The following C3orf70 variants were observed in gnomAD, a reference collection of about 807,000 sequenced individuals.
The protein encoded by C3orf70 is UPF0524 protein C3orf70.
In C3orf70, 15 loss-of-function variants were observed where a neutral mutation model predicts 20.7. The ratio of observed to expected loss-of-function variants is 0.72; its 90% confidence interval spans 0.48 to 1.11. C3orf70 has a LOEUF of 1.11. Among genes scored for constraint, C3orf70 ranks in the 50% most tolerant of loss-of-function variants. C3orf70 has a pLI of 0.00. For synonymous variants in C3orf70, 161 were observed against 125.7 expected (o/e 1.28, Z -1.88); for missense variants, 332 against 317.6 (o/e 1.05, Z -0.34).
chr3:185,111,029 C>T (rs1290265770), intron 1 of C3orf70, among the ~76,000 whole-genome samples: 7 of 152,108 alleles, frequency 4.6e-5, no homozygotes, highest in Non-Finnish European at 1.5e-5. Flanking sequence ...TAGGGTCTCC[C>T]TGACTGAGCT....
chr3:185,107,986 A>G (rs1443947820), intron 1 of C3orf70, among the ~76,000 whole-genome samples: 1 of 152,164 alleles, frequency 6.6e-6, no homozygotes, highest in Non-Finnish European at 1.5e-5. Flanking sequence ...CGCTACTATG[A>G]TAGGGATTCG....
intron 1 of C3orf70, among the ~76,000 whole-genome samples, chr3:185,124,281 G>A (rs1212478601): frequency 6.6e-6 from 1 of 152,152 alleles, no homozygotes; most frequent in Non-Finnish European, 1.5e-5. Context: ...TGAAGAAAAA[G>A]CAAATCTTTC....
chr3:185,126,519 A>C (rs1716414457), intron 1 of C3orf70, among the ~76,000 whole-genome samples: 1 of 152,212 alleles, frequency 6.6e-6, no homozygotes, highest in Admixed American at 6.5e-5. Flanking sequence ...AGCAGCCAGG[A>C]AGAAATACGT....
At chr3:185,135,436 C>T (rs1475535001) in intron 1 of C3orf70, among the ~76,000 whole-genome samples, 2 of 152,136 alleles carry the variant, frequency 1.3e-5, no homozygotes, top group Non-Finnish European at 2.9e-5. Flanking sequence ...GCCTGGTCAA[C>T]ATGATGAAAC....
In C3orf70 at chr3:185,083,575, C is replaced by A; in HGVS notation, c.197-12G>T. 6.5e-7 allele frequency: 1 copy of A among 1,550,036 alleles called. No homozygotes were observed. The highest frequency in any genetic ancestry group is 8.7e-7 in the Non-Finnish European group (1 of 1,152,094). ...ATACATGTATTTGCCTGTGAAGACACAAAAAGACACTTGAAATCTATATTA... is the reference window on the plus strand; with the variant it reads ...ATACATGTATTTGCCTGTGAAGACAAAAAAAGACACTTGAAATCTATATTA... On this transcript the variant is annotated splice_polypyrimidine_tract_variant and intron_variant, in intron 1 of 1. Coordinates refer to ENST00000335012, the MANE Select transcript of C3orf70 (RefSeq NM_001025266.3).
intron 1 of C3orf70, among the ~76,000 whole-genome samples, chr3:185,125,839 A>G (rs1373754118): frequency 6.6e-6 from 1 of 152,220 alleles, no homozygotes; most frequent in Non-Finnish European, 1.5e-5. Context: ...CATTCTGAAA[A>G]ACACAAAACT....
At chr3:185,140,296 T>C (rs961127371) in intron 1 of C3orf70, among the ~76,000 whole-genome samples, 3 of 152,140 alleles carry the variant, frequency 2.0e-5, no homozygotes, top group Non-Finnish European at 4.4e-5. Context: ...GATGAAAAGA[T>C]AAACTACAGA....
intron 1 of C3orf70, among the ~76,000 whole-genome samples, chr3:185,112,681 T>C (rs1048812457): frequency 4.6e-5 from 7 of 152,230 alleles, no homozygotes; most frequent in Non-Finnish European, 1.0e-4. Flanking sequence ...ATGTACTTCA[T>C]GTACCCACCA....
At chr3:185,097,576 A>G in intron 1 of C3orf70, among the ~76,000 whole-genome samples, 1 of 152,232 alleles carries the variant, frequency 6.6e-6, no homozygotes, top group South Asian at 2.1e-4. Flanking sequence ...TCTTAATTCC[A>G]GAGTGAAAAA....
At chr3:185,128,453 C>G (rs1716457743) in intron 1 of C3orf70, among the ~76,000 whole-genome samples, 1 of 151,242 alleles carries the variant, frequency 6.6e-6, no homozygotes, top group South Asian at 2.1e-4. Flanking sequence ...GCCTGAACCC[C>G]AGAAGCAGAG....
intron 1 of C3orf70, among the ~76,000 whole-genome samples, chr3:185,110,487 C>A (rs578151276): frequency 2.6e-5 from 4 of 152,272 alleles, no homozygotes; most frequent in Admixed American, 6.5e-5. Context: ...CTCACCATGA[C>A]AAAGCTGCCC....
intron 1 of C3orf70, among the ~76,000 whole-genome samples, chr3:185,112,158 T>TG (rs1716085672): frequency 6.6e-6 from 1 of 151,836 alleles, no homozygotes; most frequent in Non-Finnish European, 1.5e-5. Context: ...CCAGGTGTGG[T>TG]GGGCGCCTGT....
At chr3:185,120,033 A>AAAAAAAAAAAAAAAAAAG (rs55921240) in intron 1 of C3orf70, among the ~76,000 whole-genome samples, 2 of 100,780 alleles carry the variant, frequency 2.0e-5, no homozygotes, top group Non-Finnish European at 3.6e-5. Context: ...AAAAAAAAAA[A>AAAAAAAAAAAAAAAAAAG]AAAAAGAAAA....
chr3:185,083,055 G>A lies in C3orf70; in HGVS notation c.705C>T (p.Pro235=), dbSNP rs781381496. ...CAATCACTTCCAGGTCAGACTGCGA[G>A]GGGGAGAGAAGGGTGCACTCATCCG... ...WEPDECTLLS[P]SQSDLEVIET... The change falls in exon 2 of 2, where the codon CCC becomes CCT. Residue 235 remains proline (P), a synonymous_variant. Transcript: ENST00000335012. The A allele has an allele frequency of 1.7e-5, 27 of 1,614,028 alleles. No individual in the cohort carries two copies. The highest frequency in any genetic ancestry group is 1.1e-4 in the South Asian group (10 of 91,076).
At chr3:185,088,123 C>G (rs142516267) in intron 1 of C3orf70, among the ~76,000 whole-genome samples, 2,242 of 152,206 alleles carry the variant, frequency 0.015, 19 homozygotes, top group Non-Finnish European at 0.024. Context: ...ATTAGTCAGG[C>G]TGGTCTCAAA....
At chr3:185,088,904 T>C (rs762651030) in intron 1 of C3orf70, among the ~76,000 whole-genome samples, 5 of 152,190 alleles carry the variant, frequency 3.3e-5, no homozygotes, top group African/African-American at 4.8e-5. Context: ...TTAATTGGAA[T>C]TCTATGTGTG....
intron 1 of C3orf70, among the ~76,000 whole-genome samples, chr3:185,085,404 C>T (rs753667697): frequency 3.3e-5 from 5 of 151,748 alleles, no homozygotes; most frequent in African/African-American, 7.3e-5. Context: ...GACTCCTGCA[C>T]AAAAAAGCCA....
chr3:185,085,840 G>A (rs1033667534), intron 1 of C3orf70, among the ~76,000 whole-genome samples: 2 of 151,324 alleles, frequency 1.3e-5, no homozygotes, highest in South Asian at 2.1e-4. Context: ...GTATGGGCAC[G>A]GGATAGAGAA....
intron 1 of C3orf70, among the ~76,000 whole-genome samples, chr3:185,134,647 T>A (rs1420199384): frequency 2.0e-5 from 3 of 152,102 alleles, no homozygotes; most frequent in Non-Finnish European, 4.4e-5. Flanking sequence ...CAAAAAAAAC[T>A]TTCAGAGAAT....
Sources: allele counts gnomAD v4.1 joint callset (sites outside exome capture counted in the v4.1 genomes callset), GRCh38; gene constraint gnomAD v4.1.1; transcripts MANE v1.5; gene names NCBI Gene and HGNC (gene_info 2026-07-23, HGNC 2026-07-21).